RAB10: variants seen among roughly 807,000 people sequenced by gnomAD.
The protein encoded by RAB10 is ras-related protein Rab-10.
In RAB10, 5 loss-of-function variants were observed where a neutral mutation model predicts 25.7. The observed-to-expected ratio is 0.19, with a 90% CI of 0.10 to 0.41. The LOEUF is 0.41. RAB10 is among the 10% of genes least tolerant of loss of function. RAB10 has a pLI of 1.00. For synonymous variants in RAB10, 89 were observed against 86.4 expected (o/e 1.03, Z -0.16); for missense variants, 103 against 245.8 (o/e 0.42, Z 3.89).
intron 1 of RAB10, among the ~76,000 whole-genome samples, chr2:26,073,406 T>C (rs1374304717): frequency 1.3e-5 from 2 of 152,218 alleles, no homozygotes; most frequent in Admixed American, 6.5e-5. Flanking sequence ...GGTAAAACTA[T>C]TGGGCTATTG....
intron 1 of RAB10, among the ~76,000 whole-genome samples, chr2:26,089,613 C>T (rs567714458): frequency 2.0e-5 from 3 of 152,184 alleles, no homozygotes; most frequent in South Asian, 4.1e-4. Context: ...AAATTCTTGC[C>T]CTGTATGCAC....
intron 2 of RAB10, among the ~76,000 whole-genome samples, chr2:26,100,802 A>G (rs1667324377): frequency 6.6e-6 from 1 of 152,206 alleles, no homozygotes; most frequent in African/African-American, 2.4e-5. Context: ...TCTATACCCA[A>G]AATACCATGA....
At chr2:26,132,533 G>A (rs754604640) in intron 5 of RAB10, among the ~76,000 whole-genome samples, 5 of 152,190 alleles carry the variant, frequency 3.3e-5, no homozygotes, top group South Asian at 2.1e-4. Flanking sequence ...GATTACAGGC[G>A]TGAGCCACCA....
intron 1 of RAB10, among the ~76,000 whole-genome samples, chr2:26,055,523 G>C (rs1335167824): frequency 2.0e-5 from 3 of 151,884 alleles, no homozygotes; most frequent in Non-Finnish European, 4.4e-5. Context: ...GAGTAGCTGG[G>C]ACTACAGGTG....
chr2:26,128,410 A>G (rs185499114), intron 5 of RAB10, among the ~76,000 whole-genome samples: 27 of 152,260 alleles, frequency 1.8e-4, no homozygotes, highest in African/African-American at 6.3e-4. Context: ...GACTTGTGCT[A>G]TAAGGAACTG....
chr2:26,038,140 C>G (rs1018592472), intron 1 of RAB10, among the ~76,000 whole-genome samples: 1 of 151,824 alleles, frequency 6.6e-6, no homozygotes, highest in African/African-American at 2.4e-5. Context: ...CCCGCCTCAG[C>G]GTCTCAAAGT....
At chr2:26,122,593 A>G (rs1234036665) in intron 3 of RAB10, among the ~76,000 whole-genome samples, 2 of 151,134 alleles carry the variant, frequency 1.3e-5, no homozygotes, top group African/African-American at 4.9e-5. Context: ...ACACCACTGC[A>G]CTCCAGCCTG....
At chr2:26,044,402 T>A (rs898728333) in intron 1 of RAB10, among the ~76,000 whole-genome samples, 5 of 152,210 alleles carry the variant, frequency 3.3e-5, no homozygotes, top group African/African-American at 7.2e-5. Context: ...TTTTGTTGTC[T>A]GTATTTGCAT....
chr2:26,115,827 G>A (rs775211951), intron 3 of RAB10, among the ~76,000 whole-genome samples: 19 of 151,498 alleles, frequency 1.3e-4, no homozygotes, highest in Admixed American at 2.0e-4. Context: ...GAACAATGTG[G>A]GTTTGAACTA....
At chr2:26,050,348 T>G (rs936708406) in intron 1 of RAB10, among the ~76,000 whole-genome samples, 2 of 152,214 alleles carry the variant, frequency 1.3e-5, no homozygotes, top group Non-Finnish European at 2.9e-5. Context: ...ATTCTGATTC[T>G]TTATCCTTTA....
intron 1 of RAB10, among the ~76,000 whole-genome samples, chr2:26,060,409 C>A (rs1158632678): frequency 2.0e-5 from 3 of 152,156 alleles, no homozygotes; most frequent in Non-Finnish European, 4.4e-5. Flanking sequence ...TCTCCTGCCT[C>A]AGCCTCCCGA....
chr2:26,137,035 C>T lies in RAB10; in HGVS notation c.*2014C>T, dbSNP rs1055846362. 3.9e-5 allele frequency: 6 copies of T among 152,510 alleles called. No homozygotes were observed. Among genetic ancestry groups the T allele is most frequent in the African/African-American group, 1.4e-4 (6 of 41,414 alleles). The allele number at this position is 152,510 out of a possible 1,614,324, so 9.4% of individuals were successfully genotyped here. ...TGGCATTAGCTTTTTTATTTTAACCCTCTTTAATTCTTATTCAATTCCATG... is the reference window on the plus strand; with the variant it reads ...TGGCATTAGCTTTTTTATTTTAACCTTCTTTAATTCTTATTCAATTCCATG... On this transcript the variant is annotated 3_prime_UTR_variant, in exon 6 of 6. Coordinates refer to ENST00000264710, the MANE Select transcript of RAB10 (RefSeq NM_016131.5).
intron 3 of RAB10, among the ~76,000 whole-genome samples, chr2:26,112,739 G>A (rs536429672): frequency 6.6e-5 from 10 of 152,152 alleles, no homozygotes; most frequent in African/African-American, 1.7e-4. Flanking sequence ...CTTCAGCCTG[G>A]GTGACAGAGT....
At position 26,102,969 on chromosome 2, in the gene RAB10, A is replaced by G. The variant is rs569510987; in HGVS notation, c.188+4247A>G. Among the ~76,000 whole-genome samples the G allele has an allele frequency of 4.3e-4, 65 of 152,366 alleles. 2 individuals are homozygous for G. In the South Asian group the frequency reaches 0.013, roughly 30 times the overall value. On this transcript the variant is annotated intron_variant, in intron 2 of 5. Transcript: ENST00000264710. ...AGCATTGTTAGGACATCTTAAAAACATAGAATGAAATTTTGAGTCTCACGT... is the reference window on the plus strand; with the variant it reads ...AGCATTGTTAGGACATCTTAAAAACGTAGAATGAAATTTTGAGTCTCACGT...
rs58252306 is a variant in RAB10, at chr2:26,114,737, C to CAAA, written c.327+4847_327+4849dup. On this transcript the variant is annotated intron_variant, in intron 3 of 5. Coordinates refer to ENST00000264710, the MANE Select transcript of RAB10 (RefSeq NM_016131.5). ...GAAACCCCATCTCTACAAAAATATA[C>CAAA]AAAAAAAAAAAAAAAAAATTAGTCG... 2.1e-4 allele frequency among the ~76,000 whole-genome samples: 14 copies of CAAA among 66,062 alleles called. 1 individual carries two copies. The highest frequency in any genetic ancestry group is 6.0e-4 in the African/African-American group (11 of 18,366). 43.3% of individuals were successfully genotyped at this position (66,062 alleles called of 152,430 possible).
chr2:26,103,461 GC>G (rs1667386382), intron 2 of RAB10, among the ~76,000 whole-genome samples: 1 of 152,136 alleles, frequency 6.6e-6, no homozygotes, highest in Non-Finnish European at 1.5e-5. Context: ...CTACTGTAAG[GC>G]TTTGTAATCC....
intron 1 of RAB10, among the ~76,000 whole-genome samples, chr2:26,095,553 A>C (rs1383989331): frequency 6.6e-6 from 1 of 151,248 alleles, no homozygotes; most frequent in Non-Finnish European, 1.5e-5. Context: ...CTTACAGTGA[A>C]CTGAGATAGC....
chr2:26,096,286 A>G (rs1667208047), intron 1 of RAB10, among the ~76,000 whole-genome samples: 1 of 152,204 alleles, frequency 6.6e-6, no homozygotes, highest in African/African-American at 2.4e-5. Context: ...GCTGTCATTC[A>G]TAACATGATA....
chr2:26,096,414 A>ATGGATGGCTGGC (rs1667220245), intron 1 of RAB10, among the ~76,000 whole-genome samples: 1 of 114,348 alleles, frequency 8.7e-6, no homozygotes, highest in African/African-American at 3.4e-5. Flanking sequence ...GGATGGCTGG[A>ATGGATGGCTGGC]TGGATGGCTG....
Sources: gnomAD v4.1 joint callset for allele counts (sites outside exome capture counted in the v4.1 genomes callset) on GRCh38, gnomAD v4.1.1 for gene constraint, MANE v1.5 for transcripts, NCBI Gene and HGNC (gene_info 2026-07-23, HGNC 2026-07-21) for gene names.